Variants in CTNNA3 observed in about 807,000 individuals in gnomAD.
CTNNA3 encodes the protein catenin alpha 3, also known as catenin alpha-3.
In CTNNA3, 76 loss-of-function variants were observed where a neutral mutation model predicts 95.7. The ratio of observed to expected loss-of-function variants is 0.79; its 90% CI spans 0.66 to 0.96. CTNNA3 has a LOEUF of 0.96. CTNNA3 is among the 40% of genes least tolerant of loss of function. The probability of loss-of-function intolerance (pLI) is 0.00; values close to 1 mark genes in which losing one functional copy is unlikely to be tolerated. For synonymous variants in CTNNA3, 431 were observed against 374.4 expected (o/e 1.15, Z -1.74); for missense variants, 1,191 against 1,089.8 (o/e 1.09, Z -1.31).
At chr10:67,225,478 G>A (rs1027763171) in intron 5 of CTNNA3, among the ~76,000 whole-genome samples, 14 of 152,108 alleles carry the variant, frequency 9.2e-5, no homozygotes, top group Non-Finnish European at 1.3e-4. Flanking sequence ...ACTGCACCCC[G>A]CTGCCACCTC....
chr10:66,004,586 A>C (rs1458194643), intron 15 of CTNNA3, among the ~76,000 whole-genome samples: 1 of 152,188 alleles, frequency 6.6e-6, no homozygotes, highest in African/African-American at 2.4e-5. Flanking sequence ...TACCCTAGTG[A>C]AAATTGTGGT....
At chr10:66,617,049 ATT>A (rs1844541978) in intron 10 of CTNNA3, among the ~76,000 whole-genome samples, 1 of 151,954 alleles carries the variant, frequency 6.6e-6, no homozygotes, top group Non-Finnish European at 1.5e-5. Context: ...TCCAATATAT[ATT>A]TTATTTCTGC....
chr10:66,900,753 C>T (rs1254315118), intron 7 of CTNNA3, among the ~76,000 whole-genome samples: 1 of 151,978 alleles, frequency 6.6e-6, no homozygotes, highest in African/African-American at 2.4e-5. Flanking sequence ...GTAGCCAATT[C>T]GATCAAGTGG....
chr10:66,688,475 T>C (rs1251512641), intron 9 of CTNNA3, among the ~76,000 whole-genome samples: 1 of 152,110 alleles, frequency 6.6e-6, no homozygotes, highest in African/African-American at 2.4e-5. Flanking sequence ...TTCCCGTAAC[T>C]AGTCCTTCTC....
At chr10:66,193,277 C>T (rs1370347637) in intron 13 of CTNNA3, among the ~76,000 whole-genome samples, 1 of 152,034 alleles carries the variant, frequency 6.6e-6, no homozygotes, top group African/African-American at 2.4e-5. Context: ...AGATCCTGGC[C>T]AGAGAAGTAT....
intron 5 of CTNNA3, among the ~76,000 whole-genome samples, chr10:67,459,841 T>G (rs76444769): frequency 0.04 from 6,028 of 152,224 alleles, 183 homozygotes; most frequent in Middle Eastern, 0.061. Flanking sequence ...ACCTGAAGAA[T>G]CTACATTACA....
chr10:66,213,603 T>C (rs2088316675), intron 13 of CTNNA3, among the ~76,000 whole-genome samples: 1 of 152,188 alleles, frequency 6.6e-6, no homozygotes, highest in South Asian at 2.1e-4. Context: ...GAAACCACCT[T>C]GCCAATATCA....
chr10:67,668,608 G>T lies in CTNNA3; in HGVS notation c.-5-21090C>A, dbSNP rs77344567. ...GCCTCTAGGAGTGACTAATGGGCAG[G>T]CAGCATATACAGCAGGACATGCTGG... On this transcript the variant is annotated intron_variant, in intron 1 of 17. Transcript: ENST00000433211. 6.4e-3 allele frequency among the ~76,000 whole-genome samples: 977 copies of T among 152,218 alleles called. 16 individuals are homozygous for T. The highest frequency in any genetic ancestry group is 0.022 in the African/African-American group (922 of 41,498).
intron 10 of CTNNA3, among the ~76,000 whole-genome samples, chr10:66,551,963 C>T (rs533577852): frequency 2.8e-5 from 4 of 140,686 alleles, no homozygotes; most frequent in East Asian, 2.1e-4. Context: ...AGTGCAGTGG[C>T]GCTGATCTTG....
At chr10:66,653,061 C>G (rs904681862) in intron 9 of CTNNA3, among the ~76,000 whole-genome samples, 3 of 152,068 alleles carry the variant, frequency 2.0e-5, no homozygotes, top group African/African-American at 7.2e-5. Context: ...AGGAATAAGA[C>G]AAGGATTCCC....
chr10:67,018,490 T>A (rs16923937), intron 7 of CTNNA3, among the ~76,000 whole-genome samples: 3,616 of 152,342 alleles, frequency 0.024, 152 homozygotes, highest in African/African-American at 0.082. Context: ...CTAGTACAAC[T>A]GTTATAAACA....
intron 7 of CTNNA3, among the ~76,000 whole-genome samples, chr10:67,175,225 T>C (rs1347934371): frequency 1.3e-5 from 2 of 152,134 alleles, no homozygotes; most frequent in Admixed American, 1.3e-4. Flanking sequence ...CTAACCTGTC[T>C]CTTGTATTCA....
intron 12 of CTNNA3, among the ~76,000 whole-genome samples, chr10:66,327,536 A>T (rs755026230): frequency 1.3e-5 from 2 of 152,044 alleles, no homozygotes; most frequent in Non-Finnish European, 2.9e-5. Flanking sequence ...CTGAAATTTC[A>T]TTGTACATGT....
At chr10:66,676,615 C>T (rs1215410777) in intron 9 of CTNNA3, among the ~76,000 whole-genome samples, 2 of 152,042 alleles carry the variant, frequency 1.3e-5, no homozygotes, top group African/African-American at 4.8e-5. Flanking sequence ...CCTCTCACAA[C>T]CAGCTATGGT....
At chr10:66,659,987 G>T (rs559206740) in intron 9 of CTNNA3, among the ~76,000 whole-genome samples, 3 of 151,668 alleles carry the variant, frequency 2.0e-5, no homozygotes, top group African/African-American at 4.8e-5. Context: ...ATATTCCTGG[G>T]TTTTTTTTCT....
chr10:67,304,068 C>G (rs1481192448), intron 5 of CTNNA3, among the ~76,000 whole-genome samples: 2 of 152,186 alleles, frequency 1.3e-5, no homozygotes, highest in African/African-American at 4.8e-5. Context: ...TAGTTCTATA[C>G]TACACTTTAA....
chr10:66,442,821 G>A (rs568676954), intron 11 of CTNNA3, among the ~76,000 whole-genome samples: 19 of 152,300 alleles, frequency 1.2e-4, no homozygotes, highest in African/African-American at 4.3e-4. Flanking sequence ...AGGACAGTGG[G>A]TGCAGTGCAC....
At chr10:66,614,374 C>T (rs2132294737) in intron 10 of CTNNA3, among the ~76,000 whole-genome samples, 1 of 152,162 alleles carries the variant, frequency 6.6e-6, no homozygotes, top group Non-Finnish European at 1.5e-5. Context: ...TGAGTACCTA[C>T]TATGTGTCAA....
chr10:67,491,067 A>C (rs1848630882), intron 5 of CTNNA3, among the ~76,000 whole-genome samples: 1 of 152,150 alleles, frequency 6.6e-6, no homozygotes, highest in Non-Finnish European at 1.5e-5. Flanking sequence ...TGACAGGAAA[A>C]CAGAAATAAA....
Sources: allele counts gnomAD v4.1 joint callset (sites outside exome capture counted in the v4.1 genomes callset), GRCh38; gene constraint gnomAD v4.1.1; transcripts MANE v1.5; gene names NCBI Gene and HGNC (gene_info 2026-07-23, HGNC 2026-07-21).